The following PCDHGB1 variants were observed in gnomAD, a reference collection of about 807,000 sequenced individuals.
PCDHGB1 encodes protocadherin gamma subfamily B, 1.
A neutral mutation model predicts 56.6 loss-of-function variants in PCDHGB1; 34 were observed. The observed-to-expected ratio is 0.60, with a 90% confidence interval of 0.46 to 0.80. The LOEUF (loss-of-function observed/expected upper bound fraction) is 0.80. Among genes scored for constraint, PCDHGB1 ranks in the 30% least tolerant of loss-of-function variants. The pLI, the probability that PCDHGB1 is intolerant of heterozygous loss-of-function variation, is 0.00. For synonymous variants in PCDHGB1, 561 were observed against 505.9 expected, an observed-to-expected ratio of 1.11 and a Z score of -1.46; for missense variants, 1,278 against 1,204.6, an observed-to-expected ratio of 1.06 and a Z score of -0.90.
chr5:141,475,486 T>G (rs576743657), intron 1 of PCDHGB1, among the ~76,000 whole-genome samples: 1 of 152,252 alleles, frequency 6.6e-6, no homozygotes, highest in Non-Finnish European at 1.5e-5. Flanking sequence ...TGGTAAGAGA[T>G]AAAACTGAAA....
chr5:141,427,483 A>G lies in PCDHGB1; in HGVS notation c.2410-67324A>G, dbSNP rs759092057. The G allele has an allele frequency of 1.5e-4, 79 of 535,350 alleles. 2 individuals carry two copies. The highest frequency in any genetic ancestry group is 1.1e-3 in the South Asian group (73 of 65,268). 33.2% of individuals were successfully genotyped at this position (535,350 alleles called of 1,614,324 possible). ...ATCGAATCTTCCGCCAATAATGACT[A>G]TAAGCTTGTAACAGATGGGACCCTG... On this transcript the variant is annotated intron_variant, in intron 1 of 3. Coordinates refer to ENST00000523390, the MANE Select transcript of PCDHGB1 (RefSeq NM_018922.3).
intron 1 of PCDHGB1, among the ~76,000 whole-genome samples, chr5:141,407,652 A>G (rs2094964200): frequency 6.6e-6 from 1 of 152,020 alleles, no homozygotes; most frequent in Non-Finnish European, 1.5e-5. Flanking sequence ...ATAATGGGGG[A>G]GCGCAGTATA....
chr5:141,394,238 T>G, intron 1 of PCDHGB1: 1 of 1,613,934 alleles, frequency 6.2e-7, no homozygotes, highest in Non-Finnish European at 8.5e-7. Context: ...TTTCCTTGAC[T>G]GCACACGACC....
chr5:141,351,564 C>T lies in PCDHGB1; in HGVS notation c.1304C>T (p.Thr435Ile). The T allele has an allele frequency of 6.2e-7, 1 of 1,614,074 alleles. No individual in the cohort carries two copies. Among genetic ancestry groups the T allele is most frequent in the Non-Finnish European group, 8.5e-7 (1 of 1,179,904 alleles). Residue 435 changes from threonine (T) to isoleucine (I), a missense_variant, in exon 1 of 4, where the codon ACC becomes ATC. Thr to Ile is a moderately conservative substitution (Grantham distance 89). Coordinates refer to ENST00000523390, the MANE Select transcript of PCDHGB1 (RefSeq NM_018922.3). ...GCCCTTTCCTCCAGGACAAGCATCA[C>T]CCTGCACATCTCCGACATCAACGAC... ...KPALSSRTSI[T>I]LHISDINDNA...
At chr5:141,364,497 C>T (rs768698440) in intron 1 of PCDHGB1, 1 of 1,614,016 alleles carries the variant, frequency 6.2e-7, no homozygotes. Flanking sequence ...GGGCTGGAGC[C>T]CCAGGAGCTG....
At chr5:141,356,529 G>A (rs1760245496) in intron 1 of PCDHGB1, 1 of 1,613,670 alleles carries the variant, frequency 6.2e-7, no homozygotes, top group Admixed American at 1.7e-5. Flanking sequence ...TGCAAGTGAT[G>A]GACATCAATG....
At chr5:141,359,473 T>A (rs1049508652) in intron 1 of PCDHGB1, among the ~76,000 whole-genome samples, 1 of 151,406 alleles carries the variant, frequency 6.6e-6, no homozygotes, top group Non-Finnish European at 1.5e-5. Context: ...TTAAACAAAT[T>A]GTTGTATATT....
chr5:141,409,195 T>G lies in PCDHGB1; in HGVS notation c.2409+56526T>G, dbSNP rs750681435. 3.7e-6 allele frequency: 6 copies of G among 1,613,890 alleles called. No homozygotes were observed. The African/African-American group carries it at 8.0e-5, about 22-fold the overall frequency. On this transcript the variant is annotated intron_variant, in intron 1 of 3. Transcript: ENST00000523390. Reference sequence around the variant, plus strand: ...ACGGAGGTGGTCTCTCTACCCAGTGTAAAGTAATCATAGAAATCCTTGATG... The same window carrying G: ...ACGGAGGTGGTCTCTCTACCCAGTGGAAAGTAATCATAGAAATCCTTGATG...
At chr5:141,408,115 C>T (rs2095044760) in intron 1 of PCDHGB1, 1 of 1,461,312 alleles carries the variant, frequency 6.8e-7, no homozygotes, top group Non-Finnish European at 9.1e-7. Context: ...GGGACTCCTC[C>T]TGTCCTGGGC....
intron 1 of PCDHGB1, among the ~76,000 whole-genome samples, chr5:141,468,946 C>T (rs1437282358): frequency 7.0e-6 from 1 of 141,900 alleles, no homozygotes; most frequent in East Asian, 2.0e-4. Context: ...ATGGGGTAAA[C>T]CTGTGGTTTT....
intron 1 of PCDHGB1, among the ~76,000 whole-genome samples, chr5:141,368,602 G>T (rs992972372): frequency 1.3e-5 from 2 of 152,100 alleles, no homozygotes; most frequent in African/African-American, 4.8e-5. Context: ...AAAAGTAAAG[G>T]TTATAGATTT....
Position 141,486,572 on chromosome 5 carries a change from A to G in PCDHGB1, c.2410-8235A>G. 1 of 1,613,876 alleles carries G rather than the reference A, an allele frequency of 6.2e-7. No individual in the cohort carries two copies. Among genetic ancestry groups the G allele is most frequent in the Non-Finnish European group, 8.5e-7 (1 of 1,180,002 alleles). ...GTCACATGAGGTGTTTGTTCCTGAG[A>G]ACAATCGCCCAGGGGACCTGCTTTG... is the stretch of plus-strand genomic sequence containing the variant. On this transcript the variant is annotated intron_variant, in intron 1 of 3. Coordinates refer to ENST00000523390, the MANE Select transcript of PCDHGB1 (RefSeq NM_018922.3). This position sits in a 1 kb window ranked among gnomAD's most constrained non-coding sequence, Gnocchi z 5.0.
intron 1 of PCDHGB1, among the ~76,000 whole-genome samples, chr5:141,406,591 A>T (rs559975786): frequency 6.6e-6 from 1 of 152,164 alleles, no homozygotes; most frequent in African/African-American, 2.4e-5. Flanking sequence ...TTTCCCTTTA[A>T]TGGTGAAAGT....
chr5:141,384,119 C>G, intron 1 of PCDHGB1: 5 of 1,608,930 alleles, frequency 3.1e-6, no homozygotes, highest in Non-Finnish European at 4.2e-6. Context: ...TTGGTCACAA[C>G]CAAAAACTTG....
At chr5:141,417,556 A>C (rs1240389709) in intron 1 of PCDHGB1, 1 of 333,096 alleles carries the variant, frequency 3.0e-6, no homozygotes, top group Non-Finnish European at 5.4e-6. Context: ...TGAAAGAGGT[A>C]GAGAAAAGTC....
chr5:141,499,493 A>G (rs1322531312), intron 2 of PCDHGB1, among the ~76,000 whole-genome samples: 1 of 152,222 alleles, frequency 6.6e-6, no homozygotes, highest in African/African-American at 2.4e-5. Context: ...CTACAGTTTA[A>G]TATGAAACAT....
At chr5:141,408,598 A>G (rs1391583761) in intron 1 of PCDHGB1, 1 of 1,614,070 alleles carries the variant, frequency 6.2e-7, no homozygotes, top group Admixed American at 1.7e-5. Flanking sequence ...ACGCCCCTCA[A>G]TTTGATAAAA....
intron 1 of PCDHGB1, chr5:141,441,629 G>T: frequency 4.5e-6 from 1 of 224,156 alleles, no homozygotes; most frequent in Non-Finnish European, 9.0e-6. Flanking sequence ...GTGACCTGGA[G>T]CCACAGGCGC....
intron 1 of PCDHGB1, chr5:141,390,525 G>C: frequency 1.8e-6 from 1 of 552,024 alleles, no homozygotes; most frequent in Non-Finnish European, 3.2e-6. Context: ...CAATGAGGGT[G>C]TGGTTTTAAC....
Sources: gnomAD v4.1 joint callset for allele counts (sites outside exome capture counted in the v4.1 genomes callset) on GRCh38, gnomAD v4.1.1 for gene constraint, Gnocchi (gnomAD v3.1) non-coding constraint, MANE v1.5 for transcripts, NCBI Gene and HGNC (gene_info 2026-07-23, HGNC 2026-07-21) for gene names.